MYH9: variants seen among roughly 807,000 people sequenced by gnomAD.
The protein encoded by MYH9 is myosin-9.
MYH9 carries 29 observed loss-of-function variants against 241.9 expected under a neutral mutation model. The observed-to-expected ratio is 0.12, with a 90% CI of 0.09 to 0.16. The LOEUF is 0.16. MYH9 is among the 10% of genes least tolerant of loss of function. The pLI, the probability that MYH9 is intolerant of heterozygous loss-of-function variation, is 1.00. For synonymous variants in MYH9, 1,047 were observed against 1,062.6 expected, an observed-to-expected ratio of 0.99 and a Z score of 0.29; for missense variants, 1,803 against 2,595.5, an observed-to-expected ratio of 0.69 and a Z score of 6.63.
Position 36,306,696 on chromosome 22 carries a change from C to T in MYH9, c.1844-89G>A, listed in dbSNP as rs1024831297. On this transcript the variant is annotated intron_variant, in intron 15 of 40. Coordinates refer to ENST00000216181, the MANE Select transcript of MYH9 (RefSeq NM_002473.6). This position sits in a 1 kb window ranked among gnomAD's most constrained non-coding sequence, Gnocchi z 4.1. ...GTAGGAGAGAGAGACAGGCACACGT[C>T]GGACAGGAAAAGAGGAGACAGAATG... The T allele has an allele frequency of 4.4e-5, 57 of 1,291,480 alleles. No homozygotes were observed. Among genetic ancestry groups the T allele is most frequent in the South Asian group, 1.0e-4 (8 of 80,212 alleles). 80.0% of individuals were successfully genotyped at this position (1,291,480 alleles called of 1,614,324 possible).
chr22:36,313,494 G>A (rs4820230), intron 13 of MYH9, among the ~76,000 whole-genome samples: 80,236 of 147,572 alleles, frequency 0.54, 23,805 homozygotes, highest in Non-Finnish European at 0.68. Flanking sequence ...CCAGACACAG[G>A]AACAGCTCAG....
At chr22:36,324,884 G>A in intron 5 of MYH9, 2 of 585,678 alleles carry the variant, frequency 3.4e-6, no homozygotes, top group Middle Eastern at 3.1e-4. Context: ...TCTTTGCTGA[G>A]TGCTGCCTTC....
At chr22:36,307,888 CAAAA>C (rs1402314098) in intron 15 of MYH9, among the ~76,000 whole-genome samples, 1 of 105,012 alleles carries the variant, frequency 9.5e-6, no homozygotes, top group Non-Finnish European at 2.0e-5. Context: ...AACTCTGTCT[CAAAA>C]AAAAAAAAAA....
chr22:36,295,725 A>G lies in MYH9; in HGVS notation c.3273-8T>C. Reference sequence around the variant, plus strand: ...GCAGCTTCCTCTTCCACTCTGCCAAAGCGACCAGCAACATCAGTATAAGGA... The same window carrying G: ...GCAGCTTCCTCTTCCACTCTGCCAAGGCGACCAGCAACATCAGTATAAGGA... On this transcript the variant is annotated splice_polypyrimidine_tract_variant and splice_region_variant and intron_variant, in intron 25 of 40. Transcript: ENST00000216181. This position sits in a 1 kb window ranked among gnomAD's most constrained non-coding sequence, Gnocchi z 4.1. 1 of 1,610,764 alleles carries G rather than the reference A, an allele frequency of 6.2e-7. No homozygotes were observed. The highest frequency in any genetic ancestry group is 1.1e-5 in the South Asian group (1 of 90,580).
At chr22:36,345,236 C>T (rs1263873600) in intron 2 of MYH9, among the ~76,000 whole-genome samples, 4 of 151,002 alleles carry the variant, frequency 2.6e-5, no homozygotes, top group Admixed American at 6.6e-5. Flanking sequence ...GGCGTGAACC[C>T]GGGAGGCAGA....
At chr22:36,304,955 G>T in intron 18 of MYH9, 78 bp downstream of exon 18, 1 of 1,388,834 alleles carries the variant, frequency 7.2e-7, no homozygotes, top group Non-Finnish European at 1.0e-6. Flanking sequence ...GATATAGCAA[G>T]GTGGGCCCTG....
chr22:36,293,215 G>GA lies in MYH9; in HGVS notation c.4095+113dup. 7.1e-7 allele frequency: 1 copy of GA among 1,399,276 alleles called. No individual in the cohort carries two copies. The highest frequency in any genetic ancestry group is 1.2e-5 in the South Asian group (1 of 82,546). The allele number at this position is 1,399,276 out of a possible 1,614,324, so 86.7% of individuals were successfully genotyped here. A position where few individuals can be genotyped will look rare whatever the true frequency, so the allele number is the denominator to read the frequency against. On this transcript the variant is annotated intron_variant, in intron 30 of 40. Transcript: ENST00000216181. The surrounding 1 kb of genome is among the most constrained non-coding windows in gnomAD (Gnocchi z 5.1). The stretch of plus-strand genomic sequence containing the variant: ...GAGAGCACGGTTGGCTTCCCAGGGG[G>GA]AGAGCAGCAATGGGCCGGCCCAGCG...
rs1230955094 is a variant in MYH9 at position 36,293,181 on chromosome 22, C to A, written c.4095+148G>T. On this transcript the variant is annotated intron_variant, in intron 30 of 40. Transcript: ENST00000216181. The surrounding 1 kb of genome is among the most constrained non-coding windows in gnomAD (Gnocchi z 5.1). ...CCCTGGATTCCTTTCCTTGAGAGCA[C>A]TGATGTGGGAGAGCACGGTTGGCTT... The A allele has an allele frequency of 2.2e-6, 2 of 908,902 alleles. No homozygotes were observed. The highest frequency in any genetic ancestry group is 3.4e-6 in the Non-Finnish European group (2 of 594,552). 56.3% of individuals were successfully genotyped at this position (908,902 alleles called of 1,614,324 possible). A position where few individuals can be genotyped will look rare whatever the true frequency, so the allele number is the denominator to read the frequency against.
rs1216685324 is a variant in MYH9, at chr22:36,329,846, T to C, written c.491-2358A>G. On this transcript the variant is annotated intron_variant, in intron 3 of 40. Coordinates refer to ENST00000216181, the MANE Select transcript of MYH9 (RefSeq NM_002473.6). This position sits in a 1 kb window ranked among gnomAD's most constrained non-coding sequence, Gnocchi z 4.1. ...GTGCATACACAGTCACATATGGAGG[T>C]AGGTGTACAGAGGTACGTGTGCACA... Among the ~76,000 whole-genome samples, 3 of 152,178 alleles carry C rather than the reference T, an allele frequency of 2.0e-5. No individual in the cohort carries two copies. The highest frequency in any genetic ancestry group is 6.5e-5 in the Admixed American group (1 of 15,290).
At chr22:36,308,225 C>A (rs1016424640) in intron 15 of MYH9, among the ~76,000 whole-genome samples, 1 of 152,016 alleles carries the variant, frequency 6.6e-6, no homozygotes, top group Non-Finnish European at 1.5e-5. Flanking sequence ...AGGCATGAAG[C>A]TCTAAGGAGG....
intron 13 of MYH9, 48 bp downstream of exon 13, chr22:36,314,097 G>A: frequency 6.3e-7 from 1 of 1,588,270 alleles, no homozygotes; most frequent in Non-Finnish European, 8.6e-7. Context: ...TGCCCCGGAA[G>A]GGAAAAGCCA....
Position 36,295,196 on chromosome 22 carries a change from T to C in MYH9, c.3486-120A>G. ...GCACAGGCACTCCAGGCAGCTTTTC[T>C]ACCCACCGGCCCCTCCTAGCCATCT... On this transcript the variant is annotated intron_variant, in intron 26 of 40. Transcript: ENST00000216181. This position sits in a 1 kb window ranked among gnomAD's most constrained non-coding sequence, Gnocchi z 4.1. The C allele has an allele frequency of 7.4e-7, 1 of 1,358,950 alleles. No individual in the cohort carries two copies. Among genetic ancestry groups the C allele is most frequent in the Middle Eastern group, 1.8e-4 (1 of 5,414 alleles). 84.2% of individuals were successfully genotyped at this position (1,358,950 alleles called of 1,614,324 possible). A position where few individuals can be genotyped will look rare whatever the true frequency, so the allele number is the denominator to read the frequency against.
intron 24 of MYH9, 130 bp downstream of exon 24, chr22:36,298,789 G>T: frequency 1.4e-6 from 2 of 1,390,184 alleles, no homozygotes; most frequent in Non-Finnish European, 2.0e-6. Context: ...AGCAGCCAGT[G>T]CTGTAGTGTG....
chr22:36,309,238 G>A lies in MYH9; in HGVS notation c.1843+44C>T, dbSNP rs1180609238. The A allele has an allele frequency of 5.9e-6, 9 of 1,533,614 alleles. No homozygotes were observed. The African/African-American group carries it at 1.2e-4, about 21-fold the overall frequency. On this transcript the variant is annotated intron_variant, in intron 15 of 40. Transcript: ENST00000216181. ...CACTGTGGAGGTGGGAAGATGACCAGCCGCAGCCAAGAGGAGGCAGGGGGC... is the reference window on the plus strand; with the variant it reads ...CACTGTGGAGGTGGGAAGATGACCAACCGCAGCCAAGAGGAGGCAGGGGGC...
intron 40 of MYH9, 37 bp downstream of exon 40, chr22:36,284,056 T>A (rs771890922): frequency 4.6e-5 from 58 of 1,255,436 alleles, no homozygotes; most frequent in Non-Finnish European, 6.3e-5. Flanking sequence ...TTGAGAGAAG[T>A]GCCGAGGCAA....
chr22:36,367,423 GA>G lies in MYH9; in HGVS notation c.-19-18169del, dbSNP rs2018027414. Among the ~76,000 whole-genome samples, 3 of 152,280 alleles carry G rather than the reference GA, an allele frequency of 2.0e-5. No individual in the cohort carries two copies. In the South Asian group the frequency reaches 6.2e-4, roughly 32 times the overall value. ...ATGAGCAAGCACACAGCCAGCCCTG[GA>G]CATATAGAAGGCATGGCAGGCAATG... On this transcript the variant is annotated intron_variant, in intron 1 of 40. Coordinates refer to ENST00000216181, the MANE Select transcript of MYH9 (RefSeq NM_002473.6).
intron 1 of MYH9, among the ~76,000 whole-genome samples, chr22:36,364,304 C>T (rs1289399750): frequency 6.6e-6 from 1 of 152,162 alleles, no homozygotes; most frequent in African/African-American, 2.4e-5. Context: ...AGGCAGAGAT[C>T]GGGTCACCAC....
At chr22:36,349,467 T>C (rs2017733441) in intron 1 of MYH9, among the ~76,000 whole-genome samples, 1 of 152,190 alleles carries the variant, frequency 6.6e-6, no homozygotes, top group Non-Finnish European at 1.5e-5. Context: ...CAGTGGCTCA[T>C]GCCTGTAATC....
At chr22:36,384,043 G>A (rs183211012) in intron 1 of MYH9, among the ~76,000 whole-genome samples, 6 of 151,732 alleles carry the variant, frequency 4.0e-5, no homozygotes, top group Admixed American at 2.6e-4. Flanking sequence ...GGTCGAGGCC[G>A]GTGGATCGCT....
Sources: gnomAD v4.1 joint callset for allele counts (sites outside exome capture counted in the v4.1 genomes callset) on GRCh38, gnomAD v4.1.1 for gene constraint, Gnocchi (gnomAD v3.1) non-coding constraint, MANE v1.5 for transcripts, NCBI Gene and HGNC (gene_info 2026-07-23, HGNC 2026-07-21) for gene names.